SPON1: variants seen among roughly 807,000 people sequenced by gnomAD.
SPON1 encodes spondin-1.
Under a neutral mutation model 111.7 loss-of-function variants are expected in SPON1, and 52 were observed. The observed-to-expected ratio is 0.47, with a 90% CI of 0.37 to 0.59. SPON1 has a LOEUF of 0.59. SPON1 is among the 20% of genes least tolerant of loss of function. The probability of loss-of-function intolerance (pLI) is 0.00; values close to 1 mark genes in which losing one functional copy is unlikely to be tolerated. For missense variants in SPON1, 957 were observed against 1,068.5 expected, an observed-to-expected ratio of 0.90 and a Z score of 1.46; for synonymous variants, 410 against 395.8, an observed-to-expected ratio of 1.04 and a Z score of -0.43.
chr11:14,227,338 A>G (rs1187540832), intron 6 of SPON1, among the ~76,000 whole-genome samples: 1 of 152,188 alleles, frequency 6.6e-6, no homozygotes, highest in Non-Finnish European at 1.5e-5. Flanking sequence ...TGGTCCCTAA[A>G]TGTAAGATTC....
At chr11:14,214,651 G>T (rs1848608779) in intron 6 of SPON1, among the ~76,000 whole-genome samples, 1 of 152,196 alleles carries the variant, frequency 6.6e-6, no homozygotes, top group East Asian at 1.9e-4. Context: ...CAACTGCTAT[G>T]TCAGTCATCA....
chr11:13,984,830 A>G (rs1193544132), intron 2 of SPON1, among the ~76,000 whole-genome samples: 1 of 152,166 alleles, frequency 6.6e-6, no homozygotes, highest in African/African-American at 2.4e-5. Flanking sequence ...GCGCATAAAT[A>G]TTTGCTGAAT....
intron 5 of SPON1, among the ~76,000 whole-genome samples, chr11:14,108,210 G>A (rs1554925106): frequency 6.6e-6 from 1 of 152,134 alleles, no homozygotes; most frequent in Non-Finnish European, 1.5e-5. Flanking sequence ...CTCACAAAGT[G>A]TTCGTCATTA....
intron 2 of SPON1, among the ~76,000 whole-genome samples, chr11:14,026,198 A>G (rs1250567520): frequency 1.3e-5 from 2 of 152,214 alleles, no homozygotes; most frequent in African/African-American, 4.8e-5. Context: ...CAGGTGCACA[A>G]AGACAAAATG....
intron 3 of SPON1, among the ~76,000 whole-genome samples, chr11:14,064,927 C>T (rs1198002136): frequency 6.6e-6 from 1 of 152,180 alleles, no homozygotes; most frequent in African/African-American, 2.4e-5. Flanking sequence ...CTACTTTAGA[C>T]AGCTGCTCTT....
chr11:14,263,078 G>A lies in SPON1; in HGVS notation c.2260+103G>A, dbSNP rs529299047. ...TAAAAAAAAAAAAAAAAAAAAAGTC[G>A]GGGAGAGTCTGCATCTTCTGGAGTC... On this transcript the variant is annotated intron_variant, in intron 15 of 15. Transcript: ENST00000576479. The A allele has an allele frequency of 1.2e-3, 1,264 of 1,087,216 alleles. 12 individuals are homozygous for A. Among genetic ancestry groups the A allele is most frequent in the Middle Eastern group, 8.1e-3 (26 of 3,200 alleles). The allele number at this position is 1,087,216 out of a possible 1,614,324, so 67.3% of individuals were successfully genotyped here. A position where few individuals can be genotyped will look rare whatever the true frequency, so the allele number is the denominator to read the frequency against.
intron 7 of SPON1, among the ~76,000 whole-genome samples, chr11:14,249,150 G>A (rs1564940994): frequency 6.6e-6 from 1 of 152,136 alleles, no homozygotes; most frequent in Admixed American, 6.5e-5. Context: ...ATTATTCCCA[G>A]CCACTCTGCC....
At chr11:14,051,509 C>G (rs1554918587) in intron 3 of SPON1, among the ~76,000 whole-genome samples, 1 of 150,914 alleles carries the variant, frequency 6.6e-6, no homozygotes, top group East Asian at 2.0e-4. Flanking sequence ...GCACTCCAGT[C>G]TGGGAGACAT....
At chr11:14,016,260 A>C (rs1414401144) in intron 2 of SPON1, among the ~76,000 whole-genome samples, 1 of 152,222 alleles carries the variant, frequency 6.6e-6, no homozygotes, top group African/African-American at 2.4e-5. Context: ...ATGTGATCTC[A>C]TTTAACTCAA....
intron 2 of SPON1, among the ~76,000 whole-genome samples, chr11:13,994,703 A>G (rs572256719): frequency 6.6e-6 from 1 of 152,362 alleles, no homozygotes; most frequent in Admixed American, 6.5e-5. Flanking sequence ...ATGGCAGCAC[A>G]TGAAACAAAC....
intron 6 of SPON1, among the ~76,000 whole-genome samples, chr11:14,157,509 T>C (rs1362567651): frequency 2.6e-5 from 4 of 152,174 alleles, no homozygotes; most frequent in Non-Finnish European, 5.9e-5. Flanking sequence ...TAGGTAGGCA[T>C]GACTTTATTT....
In SPON1 at chr11:14,228,024, A is replaced by T. The variant is rs1848759301; in HGVS notation, c.826-15308A>T. Among the ~76,000 whole-genome samples the T allele has an allele frequency of 6.6e-6, 1 of 152,222 alleles. No homozygotes were observed. The highest frequency in any genetic ancestry group is 1.5e-5 in the Non-Finnish European group (1 of 68,034). On this transcript the variant is annotated intron_variant, in intron 6 of 15. Transcript: ENST00000576479. This position sits in a 1 kb window ranked among gnomAD's most constrained non-coding sequence, Gnocchi z 4.2. The stretch of plus-strand genomic sequence containing the variant: ...TTAAGATGATAAAAACAAAATAGTG[A>T]TACTAATAATAACACAAATAAAACT...
intron 2 of SPON1, among the ~76,000 whole-genome samples, chr11:14,035,142 G>T (rs1426661195): frequency 6.6e-6 from 1 of 152,130 alleles, no homozygotes; most frequent in Non-Finnish European, 1.5e-5. Context: ...TTTTGTTGTG[G>T]GTTGGTCCAG....
At position 14,255,826 on chromosome 11, in the gene SPON1, G is replaced by A. The variant is rs144655767; in HGVS notation, c.1233+39G>A. On this transcript the variant is annotated intron_variant, in intron 9 of 15. Coordinates refer to ENST00000576479, the MANE Select transcript of SPON1 (RefSeq NM_006108.4). ...ACCCACTCTGGCATCGACCTTTCCC[G>A]GTAGGAGTGCCAGGGAGATTGTACA... 1.8e-4 allele frequency: 294 copies of A among 1,603,002 alleles called. 2 individuals carry two copies. In the African/African-American group the frequency reaches 3.2e-3, roughly 18 times the overall value.
rs1274107801 is a variant in SPON1, at chr11:14,161,008, T to G, written c.825+25440T>G. Among the ~76,000 whole-genome samples, 220 of 90,372 alleles carry G rather than the reference T, an allele frequency of 2.4e-3. 11 individuals are homozygous for G. Among genetic ancestry groups the G allele is most frequent in the Middle Eastern group, 0.013 (1 of 76 alleles). 59.3% of individuals were successfully genotyped at this position (90,372 alleles called of 152,430 possible). On this transcript the variant is annotated intron_variant, in intron 6 of 15. Transcript: ENST00000576479. ...TTATATATATTTTTATATATTTATATATTTATATATCTATATATATTTATA... is the reference window on the plus strand; with the variant it reads ...TTATATATATTTTTATATATTTATAGATTTATATATCTATATATATTTATA...
intron 6 of SPON1, among the ~76,000 whole-genome samples, chr11:14,157,046 G>T (rs1300106749): frequency 6.6e-6 from 1 of 152,252 alleles, no homozygotes; most frequent in Admixed American, 6.5e-5. Flanking sequence ...AAGTATTATT[G>T]TTACCAAATA....
intron 3 of SPON1, among the ~76,000 whole-genome samples, chr11:14,055,264 G>A (rs143372976): frequency 2.6e-5 from 4 of 152,200 alleles, no homozygotes; most frequent in South Asian, 2.1e-4. Context: ...TCAACATCTC[G>A]ATATGTGCTA....
At chr11:13,994,442 A>T (rs895696583) in intron 2 of SPON1, among the ~76,000 whole-genome samples, 1 of 151,294 alleles carries the variant, frequency 6.6e-6, no homozygotes, top group Non-Finnish European at 1.5e-5. Context: ...CCCCATCCCC[A>T]CACACACACA....
intron 5 of SPON1, among the ~76,000 whole-genome samples, chr11:14,091,083 T>A (rs1347946279): frequency 2.0e-5 from 3 of 152,068 alleles, no homozygotes; most frequent in Middle Eastern, 6.8e-3. Context: ...GTATTTACAA[T>A]CCCTGAGCTA....
Sources: allele counts gnomAD v4.1 joint callset (sites outside exome capture counted in the v4.1 genomes callset), GRCh38; gene constraint gnomAD v4.1.1; non-coding constraint Gnocchi (gnomAD v3.1); transcripts MANE v1.5; gene names NCBI Gene and HGNC (gene_info 2026-07-23, HGNC 2026-07-21).